The following CACNG2 variants were observed in gnomAD, a reference collection of about 807,000 sequenced individuals.
CACNG2 encodes voltage-dependent calcium channel gamma-2 subunit.
CACNG2 carries 3 observed loss-of-function variants against 25.9 expected under a neutral mutation model. That is an observed-to-expected ratio of 0.12 (90% CI 0.05 to 0.30). CACNG2 has a LOEUF of 0.30. CACNG2 is among the 10% of genes least tolerant of loss of function. CACNG2 has a pLI of 1.00. For synonymous variants in CACNG2, 167 were observed against 173.3 expected (o/e 0.96, Z 0.29); for missense variants, 341 against 432.5 (o/e 0.79, Z 1.88).
At chr22:36,586,487 G>C (rs1291450948) in intron 2 of CACNG2, among the ~76,000 whole-genome samples, 2 of 152,184 alleles carry the variant, frequency 1.3e-5, no homozygotes, top group African/African-American at 4.8e-5. Flanking sequence ...TACATTCCAC[G>C]GGCTTTTCAA....
At position 36,572,068 on chromosome 22, in the gene CACNG2, AT is replaced by A. The variant is rs545040679; in HGVS notation, c.296-5576del. Reference sequence around the variant, plus strand: ...AGCCAAGCATGGTCTTGTTGCCAAAATCTATCACAAGAGTCAGGAAATATCT... The same window carrying A: ...AGCCAAGCATGGTCTTGTTGCCAAAACTATCACAAGAGTCAGGAAATATCT... On this transcript the variant is annotated intron_variant, in intron 2 of 3. Coordinates refer to ENST00000300105, the MANE Select transcript of CACNG2 (RefSeq NM_006078.5). Among the ~76,000 whole-genome samples the A allele has an allele frequency of 1.4e-3, 219 of 152,266 alleles. 2 individuals carry two copies. The highest frequency in any genetic ancestry group is 4.8e-3 in the African/African-American group (201 of 41,552).
intron 1 of CACNG2, among the ~76,000 whole-genome samples, chr22:36,693,861 C>T (rs775925556): frequency 5.3e-5 from 8 of 152,186 alleles, no homozygotes; most frequent in East Asian, 1.9e-4. Context: ...ATCCCCTGTG[C>T]GTACATTTCA....
At chr22:36,655,773 T>TTTCC (rs372750299) in intron 1 of CACNG2, among the ~76,000 whole-genome samples, 38 of 145,642 alleles carry the variant, frequency 2.6e-4, no homozygotes, top group East Asian at 1.5e-3. Flanking sequence ...TTTCTCTTTC[T>TTTCC]TTCCTTCCTT....
intron 2 of CACNG2, among the ~76,000 whole-genome samples, chr22:36,570,593 C>G (rs931268460): frequency 6.6e-6 from 1 of 151,826 alleles, no homozygotes; most frequent in Non-Finnish European, 1.5e-5. Context: ...AACCCCGTCT[C>G]TACTGAAAAA....
At chr22:36,621,024 A>G (rs572174035) in intron 1 of CACNG2, among the ~76,000 whole-genome samples, 1 of 152,144 alleles carries the variant, frequency 6.6e-6, no homozygotes, top group South Asian at 2.1e-4. Context: ...TGTGTTTAGA[A>G]CTCTTACATT....
intron 1 of CACNG2, among the ~76,000 whole-genome samples, chr22:36,603,755 C>A (rs910488639): frequency 1.3e-5 from 2 of 152,080 alleles, no homozygotes; most frequent in African/African-American, 4.8e-5. Context: ...TATTTTAAGC[C>A]CGCTATTAAG....
Position 36,604,680 on chromosome 22 carries a change from T to C in CACNG2, c.212-17132A>G, listed in dbSNP as rs1473678604. Among the ~76,000 whole-genome samples, 3 of 152,350 alleles carry C rather than the reference T, an allele frequency of 2.0e-5. No homozygotes were observed. The East Asian group carries it at 5.8e-4, about 29-fold the overall frequency. On this transcript the variant is annotated intron_variant, in intron 1 of 3. Coordinates refer to ENST00000300105, the MANE Select transcript of CACNG2 (RefSeq NM_006078.5). Reference sequence around the variant, plus strand: ...GCACACTGAAGGCTCAGATGGTCAGTAGCATTTTTAGCAATAAAATATGTT... The same window carrying C: ...GCACACTGAAGGCTCAGATGGTCAGCAGCATTTTTAGCAATAAAATATGTT...
chr22:36,653,454 C>A (rs765597972), intron 1 of CACNG2, among the ~76,000 whole-genome samples: 3 of 152,224 alleles, frequency 2.0e-5, no homozygotes, highest in African/African-American at 4.8e-5. Context: ...TTCTGCAGTG[C>A]CTCAGTTGGC....
chr22:36,674,641 T>C (rs1320764973), intron 1 of CACNG2, among the ~76,000 whole-genome samples: 2 of 152,222 alleles, frequency 1.3e-5, no homozygotes, highest in Non-Finnish European at 2.9e-5. Context: ...CACCTGTTGA[T>C]AAGGACTCTT....
rs528550447 is a variant in CACNG2 at position 36,700,083 on chromosome 22, C to T, written c.211+2283G>A. 4.6e-5 allele frequency among the ~76,000 whole-genome samples: 7 copies of T among 152,356 alleles called. No homozygotes were observed. In the East Asian group the frequency reaches 7.7e-4, roughly 17 times the overall value. On this transcript the variant is annotated intron_variant, in intron 1 of 3. Transcript: ENST00000300105. ...GAGAGCCTGGCAGGGCCCCACAGTA[C>T]TGCCCGGGGGTAGTGAGGCCCCGCT...
At chr22:36,624,812 G>A (rs1033752142) in intron 1 of CACNG2, among the ~76,000 whole-genome samples, 3 of 151,890 alleles carry the variant, frequency 2.0e-5, no homozygotes, top group South Asian at 2.1e-4. Flanking sequence ...GGCAGATCAC[G>A]AGGTCAGGAG....
At chr22:36,568,656 C>T (rs1379777408) in intron 2 of CACNG2, among the ~76,000 whole-genome samples, 6 of 151,886 alleles carry the variant, frequency 4.0e-5, no homozygotes, top group African/African-American at 1.4e-4. Flanking sequence ...CTGCCCGCCT[C>T]GGCCTCCCAA....
At chr22:36,656,765 A>C (rs1370354883) in intron 1 of CACNG2, among the ~76,000 whole-genome samples, 1 of 152,164 alleles carries the variant, frequency 6.6e-6, no homozygotes, top group Admixed American at 6.5e-5. Context: ...TGCCCCAGAC[A>C]TGAGCATGGC....
chr22:36,649,285 G>C (rs1936572878), intron 1 of CACNG2, among the ~76,000 whole-genome samples: 2 of 152,106 alleles, frequency 1.3e-5, no homozygotes, highest in African/African-American at 4.8e-5. Context: ...AATCCTGACA[G>C]CTCTACTTCC....
At chr22:36,632,992 T>G (rs543951064) in intron 1 of CACNG2, among the ~76,000 whole-genome samples, 79 of 152,324 alleles carry the variant, frequency 5.2e-4, no homozygotes, top group Middle Eastern at 3.4e-3. Context: ...TTGCTGTTTC[T>G]GGAAGACGCC....
chr22:36,632,469 C>CCTCT (rs131827), intron 1 of CACNG2, among the ~76,000 whole-genome samples: 22 of 145,736 alleles, frequency 1.5e-4, no homozygotes, highest in Admixed American at 6.2e-4. Flanking sequence ...TCTCTCCTCT[C>CCTCT]CTCTCTCTCT....
intron 1 of CACNG2, among the ~76,000 whole-genome samples, chr22:36,611,604 T>C (rs1428662116): frequency 6.6e-6 from 1 of 152,166 alleles, no homozygotes; most frequent in Non-Finnish European, 1.5e-5. Flanking sequence ...ATGCCTGCTG[T>C]CCAAGCACCC....
intron 1 of CACNG2, among the ~76,000 whole-genome samples, chr22:36,701,481 G>A (rs941406909): frequency 8.6e-5 from 13 of 151,846 alleles, no homozygotes; most frequent in South Asian, 2.1e-4. Context: ...TCAACACTCC[G>A]CAAGATCAAG....
At chr22:36,658,062 G>A (rs1280128603) in intron 1 of CACNG2, among the ~76,000 whole-genome samples, 1 of 152,124 alleles carries the variant, frequency 6.6e-6, no homozygotes, top group African/African-American at 2.4e-5. Flanking sequence ...CATAATAAGT[G>A]CATCATTACC....
Sources: gnomAD v4.1 joint callset for allele counts (sites outside exome capture counted in the v4.1 genomes callset) on GRCh38, gnomAD v4.1.1 for gene constraint, MANE v1.5 for transcripts, NCBI Gene and HGNC (gene_info 2026-07-23, HGNC 2026-07-21) for gene names.